TBXAS1: variants seen among roughly 807,000 people sequenced by gnomAD.
The protein encoded by TBXAS1 is thromboxane A synthase 1, also known as thromboxane-A synthase.
In TBXAS1, 48 loss-of-function variants were observed where a neutral mutation model predicts 60.7. That is an observed-to-expected ratio of 0.79 (90% CI 0.63 to 1.01). TBXAS1 has a LOEUF of 1.01. TBXAS1 is among the 50% of genes least tolerant of loss of function. TBXAS1 has a pLI of 0.00. For missense variants in TBXAS1, 685 were observed against 686.3 expected, an observed-to-expected ratio of 1.00 and a Z score of 0.02; for synonymous variants, 287 against 269.7, an observed-to-expected ratio of 1.06 and a Z score of -0.63.
At chr7:139,831,781 A>T (rs879637065) in intron 1 of TBXAS1, among the ~76,000 whole-genome samples, 6 of 152,102 alleles carry the variant, frequency 3.9e-5, no homozygotes, top group Non-Finnish European at 8.8e-5. Flanking sequence ...AAAATACAAA[A>T]ATTAGCTGGG....
In TBXAS1 at chr7:139,976,915, T is replaced by C. The variant is rs75773208; in HGVS notation, c.1134+14682T>C. 4.0e-3 allele frequency among the ~76,000 whole-genome samples: 611 copies of C among 152,286 alleles called. 4 individuals carry two copies. Among genetic ancestry groups the C allele is most frequent in the African/African-American group, 0.014 (577 of 41,542 alleles). ...TTTTTAGAAAAGTCCCTCATCAGAT[T>C]ATCAGGAAGTCGTGGGTTTTCCGTG... is the stretch of plus-strand genomic sequence containing the variant. On this transcript the variant is annotated intron_variant, in intron 9 of 12. Transcript: ENST00000448866.
intron 9 of TBXAS1, among the ~76,000 whole-genome samples, chr7:139,989,119 C>T (rs1812714493): frequency 6.6e-6 from 1 of 152,230 alleles, no homozygotes; most frequent in Admixed American, 6.5e-5. Flanking sequence ...TAGCAGAAAT[C>T]AACAACACGT....
At chr7:139,951,783 AAAAG>A (rs1344798770) in intron 5 of TBXAS1, among the ~76,000 whole-genome samples, 3 of 82,150 alleles carry the variant, frequency 3.7e-5, no homozygotes, top group Non-Finnish European at 5.0e-5. Context: ...AAAAAAAAAA[AAAAG>A]AAAGAAAGAA....
At chr7:139,879,340 T>A (rs574760802) in intron 3 of TBXAS1, among the ~76,000 whole-genome samples, 104 of 152,324 alleles carry the variant, frequency 6.8e-4, no homozygotes, top group African/African-American at 2.4e-3. Flanking sequence ...GCAGGAGGAC[T>A]GGCGTGGATA....
intron 4 of TBXAS1, among the ~76,000 whole-genome samples, chr7:139,823,216 G>A (rs1369197429): frequency 6.6e-6 from 1 of 151,878 alleles, no homozygotes; most frequent in African/African-American, 2.4e-5. Flanking sequence ...ATGTATTTGT[G>A]TGCCATCATA....
rs1226768495 is a variant in TBXAS1, at chr7:139,955,622, A to C, written c.688+15A>C. ...GGTTTTACTCTGTAAGTGCGGCTGC[A>C]GCCCGGGGCGCTGCGATGACTCCAG... On this transcript the variant is annotated intron_variant, in intron 7 of 12. Transcript: ENST00000448866. 6.2e-7 allele frequency: 1 copy of C among 1,613,712 alleles called. No homozygotes were observed. The highest frequency in any genetic ancestry group is 1.3e-5 in the African/African-American group (1 of 74,942).
chr7:139,809,226 A>AGAT (rs55912898), intron 4 of TBXAS1, among the ~76,000 whole-genome samples: 6,864 of 110,834 alleles, frequency 0.062, 165 homozygotes, highest in African/African-American at 0.071. Flanking sequence ...ATAGATAGAT[A>AGAT]GATAGATGAT....
At chr7:139,892,661 C>T (rs184492330) in intron 3 of TBXAS1, among the ~76,000 whole-genome samples, 33 of 152,316 alleles carry the variant, frequency 2.2e-4, no homozygotes, top group African/African-American at 7.7e-4. Context: ...ACCTACCTAT[C>T]TCACAGGTCT....
rs144425677 is a variant in TBXAS1, at chr7:139,875,670, C to T, written c.236+33C>T. On this transcript the variant is annotated intron_variant, in intron 3 of 12. Transcript: ENST00000448866. Reference sequence around the variant, plus strand: ...GGAAACTCAACGTTTCTATTATGTACGATATTTTCTATTATGTACGATATT... The same window carrying T: ...GGAAACTCAACGTTTCTATTATGTATGATATTTTCTATTATGTACGATATT... 2.8e-3 allele frequency: 4,582 copies of T among 1,612,190 alleles called. 14 individuals are homozygous for T. The highest frequency in any genetic ancestry group is 4.5e-3 in the Middle Eastern group (27 of 6,054).
At chr7:139,855,825 A>T (rs1292982711) in intron 1 of TBXAS1, among the ~76,000 whole-genome samples, 3 of 152,214 alleles carry the variant, frequency 2.0e-5, no homozygotes, top group Non-Finnish European at 2.9e-5. Flanking sequence ...GCCAGGCCTC[A>T]TTCTTCTTGA....
rs925202005 is a variant in TBXAS1, at chr7:139,916,814, C to T, written c.333+5493C>T. The stretch of plus-strand genomic sequence containing the variant: ...TTCAGGGCTACAGGTGAGTCAGACG[C>T]CCTTGTGCGGGGGCCACAGGGACCC... On this transcript the variant is annotated intron_variant, in intron 4 of 12. Transcript: ENST00000448866. The surrounding 1 kb of genome is among the most constrained non-coding windows in gnomAD (Gnocchi z 4.2). 5.9e-5 allele frequency among the ~76,000 whole-genome samples: 9 copies of T among 152,248 alleles called. No homozygotes were observed. The highest frequency in any genetic ancestry group is 4.6e-4 in the Admixed American group (7 of 15,286).
intron 9 of TBXAS1, among the ~76,000 whole-genome samples, chr7:139,963,764 A>G (rs1191863386): frequency 6.6e-6 from 1 of 152,234 alleles, no homozygotes; most frequent in Non-Finnish European, 1.5e-5. Flanking sequence ...AAAACAAACA[A>G]AAAGACTCAT....
rs2284206 is a variant in TBXAS1 at position 139,940,224 on chromosome 7, G to A, written c.450+3917G>A. Among the ~76,000 whole-genome samples the A allele has an allele frequency of 5.4e-4, 82 of 152,226 alleles. 3 individuals carry two copies. The East Asian group carries it at 0.013, about 24-fold the overall frequency. On this transcript the variant is annotated intron_variant, in intron 5 of 12. Transcript: ENST00000448866. ...AGACAGGATGCAGGAAATGACAGGGGGGCTGCTTCTGGGCTGTGGAAGATG... is the reference window on the plus strand; with the variant it reads ...AGACAGGATGCAGGAAATGACAGGGAGGCTGCTTCTGGGCTGTGGAAGATG...
chr7:139,953,144 A>G (rs1809546356), intron 5 of TBXAS1, among the ~76,000 whole-genome samples: 1 of 152,202 alleles, frequency 6.6e-6, no homozygotes, highest in Non-Finnish European at 1.5e-5. Context: ...TTTTGCTTCC[A>G]AAGATAAAAA....
intron 1 of TBXAS1, among the ~76,000 whole-genome samples, chr7:139,867,353 C>T (rs529398128): frequency 6.6e-6 from 1 of 152,324 alleles, no homozygotes; most frequent in African/African-American, 2.4e-5. Flanking sequence ...CCTTCTCCTG[C>T]ACACCACAGG....
In TBXAS1 at chr7:139,952,723, C is replaced by T. The variant is rs2117314371; in HGVS notation, c.451-645C>T. The T allele has an allele frequency of 2.7e-6, 4 of 1,484,882 alleles. No homozygotes were observed. The East Asian group carries it at 7.5e-5, about 28-fold the overall frequency. The allele number at this position is 1,484,882 out of a possible 1,614,324, so 92.0% of individuals were successfully genotyped here. On this transcript the variant is annotated intron_variant, in intron 5 of 12. Transcript: ENST00000448866. Reference sequence around the variant, plus strand: ...GAATTTTCTAACATAAAAGTATTTTCCTATTAAAAAAAAGAAACCCAACAA... The same window carrying T: ...GAATTTTCTAACATAAAAGTATTTTTCTATTAAAAAAAAGAAACCCAACAA...
Position 139,962,041 on chromosome 7 carries a change from C to A in TBXAS1, c.942C>A (p.Ser314=). 1 of 1,614,234 alleles carries A rather than the reference C, an allele frequency of 6.2e-7. No homozygotes were observed. The highest frequency in any genetic ancestry group is 8.5e-7 in the Non-Finnish European group (1 of 1,180,046). Residue 314 remains serine (S), a synonymous_variant, in exon 9 of 13, where the codon TCC becomes TCA. Coordinates refer to ENST00000448866, the MANE Select transcript of TBXAS1 (RefSeq NM_001061.7). ...FSSTGCKPNP[S]RQHQPSPMAR... ...CTACTGGGTGCAAGCCGAACCCTTC[C>A]CGGCAACACCAGCCCAGCCCTATGG...
At chr7:139,996,565 C>T (rs916364793) in intron 9 of TBXAS1, among the ~76,000 whole-genome samples, 2 of 152,212 alleles carry the variant, frequency 1.3e-5, no homozygotes, top group African/African-American at 4.8e-5. Context: ...AGATGCTGCC[C>T]CACCCATGTG....
chr7:139,864,950 T>C (rs1048554061), intron 1 of TBXAS1, among the ~76,000 whole-genome samples: 3 of 152,192 alleles, frequency 2.0e-5, no homozygotes, highest in Non-Finnish European at 4.4e-5. Flanking sequence ...GGAGGTACTC[T>C]AGGAAGGAGA....
Sources: allele counts gnomAD v4.1 joint callset (sites outside exome capture counted in the v4.1 genomes callset), GRCh38; gene constraint gnomAD v4.1.1; non-coding constraint Gnocchi (gnomAD v3.1); transcripts MANE v1.5; gene names NCBI Gene and HGNC (gene_info 2026-07-23, HGNC 2026-07-21).